STAG1: variants seen among roughly 807,000 people sequenced by gnomAD.
The protein encoded by STAG1 is cohesin subunit SA-1.
STAG1 carries 26 observed loss-of-function variants against 170.9 expected under a neutral mutation model. The ratio of observed to expected loss-of-function variants is 0.15; its 90% confidence interval spans 0.11 to 0.21. The LOEUF (loss-of-function observed/expected upper bound fraction) is 0.21. Among genes scored for constraint, STAG1 ranks in the 10% least tolerant of loss-of-function variants. The probability of loss-of-function intolerance (pLI) is 1.00; values close to 1 mark genes in which losing one functional copy is unlikely to be tolerated. For missense variants in STAG1, 964 were observed against 1,509.5 expected (o/e 0.64, Z 5.99); for synonymous variants, 514 against 497.7 (o/e 1.03, Z -0.44).
At chr3:136,571,601 G>A (rs1382709828) in intron 4 of STAG1, among the ~76,000 whole-genome samples, 2 of 152,096 alleles carry the variant, frequency 1.3e-5, no homozygotes, top group Admixed American at 6.6e-5. Flanking sequence ...CAGGCACAGT[G>A]ACTTGCACCT....
At chr3:136,595,040 C>T (rs1181089508) in intron 4 of STAG1, among the ~76,000 whole-genome samples, 1 of 152,122 alleles carries the variant, frequency 6.6e-6, no homozygotes, top group Non-Finnish European at 1.5e-5. Flanking sequence ...AAGTACTGGG[C>T]TTACAGGACT....
intron 28 of STAG1, among the ~76,000 whole-genome samples, chr3:136,356,198 G>C (rs918613791): frequency 2.6e-5 from 4 of 151,860 alleles, no homozygotes; most frequent in African/African-American, 9.7e-5. Flanking sequence ...CCATCTGCCT[G>C]TTTATGCTGT....
chr3:136,592,598 C>T (rs1401095181), intron 4 of STAG1, among the ~76,000 whole-genome samples: 1 of 152,144 alleles, frequency 6.6e-6, no homozygotes, highest in Non-Finnish European at 1.5e-5. Flanking sequence ...TCTTATATTT[C>T]CCCAACTTTC....
chr3:136,720,671 T>G (rs1375317366), intron 1 of STAG1, among the ~76,000 whole-genome samples: 1 of 152,006 alleles, frequency 6.6e-6, no homozygotes, highest in Non-Finnish European at 1.5e-5. Context: ...GCGCCTGTAA[T>G]CCTGCTACTC....
chr3:136,337,389 T>TG lies in STAG1; in HGVS notation c.*864dup, dbSNP rs1033189687. On this transcript the variant is annotated 3_prime_UTR_variant, in exon 34 of 34. Transcript: ENST00000383202. ...TGGTAAAAACAGCAAACTGATAACT[T>TG]GAGAATCATTTTCGTTTTACTGAGA... The TG allele has an allele frequency of 5.2e-4, 80 of 152,730 alleles. No individual in the cohort carries two copies. Among genetic ancestry groups the TG allele is most frequent in the African/African-American group, 1.9e-3 (78 of 41,564 alleles). The allele number at this position is 152,730 out of a possible 1,614,324, so 9.5% of individuals were successfully genotyped here.
chr3:136,717,327 T>TTTGGTGTTA (rs1245039409), intron 1 of STAG1, among the ~76,000 whole-genome samples: 1 of 152,192 alleles, frequency 6.6e-6, no homozygotes, highest in Non-Finnish European at 1.5e-5. Flanking sequence ...AGTTATTGAT[T>TTTGGTGTTA]TTGGTGTTAA....
chr3:136,405,610 C>A (rs1433325858), intron 21 of STAG1, among the ~76,000 whole-genome samples: 1 of 151,164 alleles, frequency 6.6e-6, no homozygotes, highest in Non-Finnish European at 1.5e-5. Context: ...ACTCCCAGCA[C>A]TTTGGGAGGC....
At chr3:136,431,061 G>A (rs2088288809) in intron 16 of STAG1, among the ~76,000 whole-genome samples, 5 of 151,818 alleles carry the variant, frequency 3.3e-5, no homozygotes, top group Admixed American at 2.0e-4. Context: ...GTGCCACCAT[G>A]CCCAGCTAAT....
chr3:136,578,675 T>G (rs574872299), intron 4 of STAG1, among the ~76,000 whole-genome samples: 1 of 152,246 alleles, frequency 6.6e-6, no homozygotes, highest in East Asian at 1.9e-4. Context: ...TGTCTCTGAA[T>G]TGACATTAAT....
intron 28 of STAG1, among the ~76,000 whole-genome samples, chr3:136,352,682 A>G (rs1469053669): frequency 6.6e-6 from 1 of 152,188 alleles, no homozygotes; most frequent in Non-Finnish European, 1.5e-5. Context: ...TACCTATACA[A>G]TCATTCTGTT....
chr3:136,723,662 G>A (rs1419264774), intron 1 of STAG1, among the ~76,000 whole-genome samples: 1 of 144,084 alleles, frequency 6.9e-6, no homozygotes, highest in Non-Finnish European at 1.5e-5. Flanking sequence ...AGGTGGGGGG[G>A]TCAGCCCCCC....
intron 12 of STAG1, among the ~76,000 whole-genome samples, chr3:136,470,075 G>A (rs568925601): frequency 3.3e-5 from 5 of 152,284 alleles, no homozygotes; most frequent in Admixed American, 2.0e-4. Context: ...ATAGGCATGG[G>A]CAAGGACTTC....
At position 136,649,404 on chromosome 3, in the gene STAG1, G is replaced by A. The variant is rs190553626; in HGVS notation, c.-83-18423C>T. 6.5e-3 allele frequency among the ~76,000 whole-genome samples: 980 copies of A among 150,778 alleles called. 9 individuals carry two copies. Among genetic ancestry groups the A allele is most frequent in the African/African-American group, 0.023 (950 of 40,992 alleles). ...TGAGGCATGAGAATTGCTTGAACCC[G>A]GGAGGCGGAGGTTGCAGTGAGTGGA... On this transcript the variant is annotated intron_variant, in intron 1 of 33. Coordinates refer to ENST00000383202, the MANE Select transcript of STAG1 (RefSeq NM_005862.3).
chr3:136,440,064 A>G (rs1406158552), intron 15 of STAG1, among the ~76,000 whole-genome samples: 1 of 152,216 alleles, frequency 6.6e-6, no homozygotes, highest in Non-Finnish European at 1.5e-5. Flanking sequence ...TTACTGACTT[A>G]CACATCTTAT....
chr3:136,495,176 T>C (rs184536767), intron 9 of STAG1, among the ~76,000 whole-genome samples: 2 of 152,276 alleles, frequency 1.3e-5, no homozygotes, highest in East Asian at 1.9e-4. Context: ...AGAGATGGCA[T>C]GGTAATTCAA....
At chr3:136,433,757 T>G (rs2107747552) in intron 15 of STAG1, 98 bp from the exon 16 acceptor site, 1 of 808,988 alleles carries the variant, frequency 1.2e-6, no homozygotes, top group East Asian at 2.7e-5. Context: ...AACATTCTAT[T>G]ACTGCTTATT....
intron 9 of STAG1, among the ~76,000 whole-genome samples, chr3:136,485,345 T>C (rs945908226): frequency 5.9e-5 from 9 of 152,042 alleles, no homozygotes; most frequent in African/African-American, 1.7e-4. Flanking sequence ...TAGTCCCAGC[T>C]ACTCGAGAGG....
chr3:136,464,861 T>A lies in STAG1; in HGVS notation c.1313+20A>T. 1 of 1,596,076 alleles carries A rather than the reference T, an allele frequency of 6.3e-7. No individual in the cohort carries two copies. Among genetic ancestry groups the A allele is most frequent in the Non-Finnish European group, 8.6e-7 (1 of 1,169,404 alleles). ...ACAACATAGAAAAGTAGAACCGGTT[T>A]TCAAAGATAATTAGCTCACTTTTTG... On this transcript the variant is annotated intron_variant, in intron 13 of 33. Coordinates refer to ENST00000383202, the MANE Select transcript of STAG1 (RefSeq NM_005862.3).
At chr3:136,403,987 A>G (rs528602763) in intron 21 of STAG1, among the ~76,000 whole-genome samples, 13 of 152,236 alleles carry the variant, frequency 8.5e-5, no homozygotes, top group African/African-American at 2.7e-4. Context: ...ACATAATTCT[A>G]TAACAATATA....
Sources: gnomAD v4.1 joint callset for allele counts (sites outside exome capture counted in the v4.1 genomes callset) on GRCh38, gnomAD v4.1.1 for gene constraint, MANE v1.5 for transcripts, NCBI Gene and HGNC (gene_info 2026-07-23, HGNC 2026-07-21) for gene names.